Variants in GPC5 observed in about 807,000 individuals in gnomAD.
The protein encoded by GPC5 is glypican 5.
GPC5 carries 47 observed loss-of-function variants against 53.9 expected under a neutral mutation model. The ratio of observed to expected loss-of-function variants is 0.87; its 90% CI spans 0.69 to 1.11. GPC5 has a LOEUF of 1.11. Ranked by LOEUF, GPC5 falls within the 50% of genes most tolerant of loss-of-function variation. The probability of loss-of-function intolerance (pLI) is 0.00; values close to 1 mark genes in which losing one functional copy is unlikely to be tolerated. For synonymous variants in GPC5, 286 were observed against 263.3 expected, an observed-to-expected ratio of 1.09 and a Z score of -0.84; for missense variants, 748 against 713.1, an observed-to-expected ratio of 1.05 and a Z score of -0.56.
intron 7 of GPC5, among the ~76,000 whole-genome samples, chr13:92,623,294 C>G (rs916696131): frequency 1.3e-5 from 2 of 152,120 alleles, no homozygotes; most frequent in African/African-American, 4.8e-5. Context: ...CTCATCTGCT[C>G]CATGTGAGAA....
intron 7 of GPC5, among the ~76,000 whole-genome samples, chr13:92,738,367 C>T (rs1888996258): frequency 6.6e-6 from 1 of 151,904 alleles, no homozygotes; most frequent in African/African-American, 2.4e-5. Context: ...AGATTATTTG[C>T]CCCTTCCTGT....
chr13:92,666,550 A>G (rs563786630), intron 7 of GPC5, among the ~76,000 whole-genome samples: 17 of 152,346 alleles, frequency 1.1e-4, no homozygotes, highest in African/African-American at 3.6e-4. Context: ...CAATTCTGAC[A>G]AATGTTCTAA....
At position 92,405,586 on chromosome 13, in the gene GPC5, C is replaced by T. The variant is rs145033942; in HGVS notation, c.1561+260597C>T. Among the ~76,000 whole-genome samples, 1,430 of 152,222 alleles carry T rather than the reference C, an allele frequency of 9.4e-3. 12 individuals are homozygous for T. The highest frequency in any genetic ancestry group is 0.015 in the Non-Finnish European group (1,013 of 68,018). On this transcript the variant is annotated intron_variant, in intron 7 of 7. Coordinates refer to ENST00000377067, the MANE Select transcript of GPC5 (RefSeq NM_004466.6). ...CAAAGTCAGATAAGTGAAATTTAAA[C>T]TTAAATTAAAAAGAGTGAATTCTTT...
intron 7 of GPC5, among the ~76,000 whole-genome samples, chr13:92,423,581 A>T (rs984774767): frequency 6.6e-6 from 1 of 152,182 alleles, no homozygotes; most frequent in African/African-American, 2.4e-5. Flanking sequence ...ATAGAAAAGG[A>T]TCTGTAGATG....
In GPC5 at chr13:91,952,745, G is replaced by T. The variant is rs180900466; in HGVS notation, c.1401+44688G>T. ...CAGGCACATTCAAGAAAAAAAATAC[G>T]TAGTTTGATAATCCCTGAACAAAAA... is the stretch of plus-strand genomic sequence containing the variant. On this transcript the variant is annotated intron_variant, in intron 6 of 7. Coordinates refer to ENST00000377067, the MANE Select transcript of GPC5 (RefSeq NM_004466.6). Among the ~76,000 whole-genome samples, 147 of 152,158 alleles carry T rather than the reference G, an allele frequency of 9.7e-4. 2 individuals are homozygous for T. In the South Asian group the frequency reaches 0.028, roughly 29 times the overall value.
chr13:92,031,638 A>G (rs1298019495), intron 6 of GPC5, among the ~76,000 whole-genome samples: 1 of 136,312 alleles, frequency 7.3e-6, no homozygotes, highest in Non-Finnish European at 1.5e-5. Flanking sequence ...CCAAATGCCC[A>G]TTAATCAATT....
At chr13:91,463,647 C>A (rs189008372) in intron 2 of GPC5, among the ~76,000 whole-genome samples, 61 of 152,130 alleles carry the variant, frequency 4.0e-4, no homozygotes, top group African/African-American at 1.4e-3. Flanking sequence ...CACAAATATG[C>A]CTGATTTTGA....
At chr13:91,587,171 A>G (rs557488181) in intron 2 of GPC5, among the ~76,000 whole-genome samples, 24 of 152,304 alleles carry the variant, frequency 1.6e-4, no homozygotes, top group Non-Finnish European at 2.9e-4. Flanking sequence ...ATGCGTTAAT[A>G]ACGAAGTTTT....
rs142497077 is a variant in GPC5, at chr13:91,500,503, A to G, written c.325+51581A>G. Among the ~76,000 whole-genome samples, 25 of 152,322 alleles carry G rather than the reference A, an allele frequency of 1.6e-4. No homozygotes were observed. In the East Asian group the frequency reaches 4.3e-3, roughly 26 times the overall value. ...GGATGCTCAGTTAAACTTGAATTTCAGATCAACAGCAAATCATTTGGCCAT... is the reference window on the plus strand; with the variant it reads ...GGATGCTCAGTTAAACTTGAATTTCGGATCAACAGCAAATCATTTGGCCAT... On this transcript the variant is annotated intron_variant, in intron 2 of 7. Transcript: ENST00000377067.
chr13:91,643,287 C>G (rs2034478401), intron 2 of GPC5, among the ~76,000 whole-genome samples: 1 of 152,006 alleles, frequency 6.6e-6, no homozygotes, highest in Non-Finnish European at 1.5e-5. Flanking sequence ...TTTCCATTGT[C>G]AATGAAAGAG....
chr13:92,729,291 C>A (rs888560610), intron 7 of GPC5, among the ~76,000 whole-genome samples: 4 of 151,302 alleles, frequency 2.6e-5, no homozygotes, highest in Non-Finnish European at 4.4e-5. Context: ...TTCATATCAA[C>A]CCCTAGATCC....
At chr13:92,187,079 T>G (rs1025115254) in intron 7 of GPC5, among the ~76,000 whole-genome samples, 1 of 151,490 alleles carries the variant, frequency 6.6e-6, no homozygotes, top group African/African-American at 2.4e-5. Context: ...GCCATTGCAC[T>G]TCAGCCTGGG....
chr13:91,538,581 A>ATTTT (rs11374916), intron 2 of GPC5, among the ~76,000 whole-genome samples: 4 of 129,228 alleles, frequency 3.1e-5, no homozygotes, highest in Non-Finnish European at 4.8e-5. Flanking sequence ...ATTGCAAATA[A>ATTTT]TTTTTTTTTT....
At chr13:91,545,830 G>A (rs1228002544) in intron 2 of GPC5, among the ~76,000 whole-genome samples, 1 of 152,072 alleles carries the variant, frequency 6.6e-6, no homozygotes, top group East Asian at 1.9e-4. Flanking sequence ...ATGTGTGTAA[G>A]AGTGCTGTAA....
At chr13:91,981,132 C>T (rs1041456986) in intron 6 of GPC5, among the ~76,000 whole-genome samples, 4 of 152,086 alleles carry the variant, frequency 2.6e-5, no homozygotes, top group Non-Finnish European at 5.9e-5. Flanking sequence ...AGTGGAACCA[C>T]GTATGTTCAT....
chr13:91,706,494 T>C (rs1236618153), intron 3 of GPC5, among the ~76,000 whole-genome samples: 3 of 152,080 alleles, frequency 2.0e-5, no homozygotes, highest in African/African-American at 7.2e-5. Context: ...CATTAAGAAA[T>C]TAAGCAAAAA....
intron 3 of GPC5, among the ~76,000 whole-genome samples, chr13:91,728,026 T>A (rs1050927755): frequency 5.3e-5 from 8 of 152,144 alleles, no homozygotes; most frequent in Non-Finnish European, 1.2e-4. Context: ...GCAGAACTAT[T>A]ATACAAGGAG....
At chr13:91,448,002 C>T (rs1474832776) in intron 1 of GPC5, among the ~76,000 whole-genome samples, 1 of 152,126 alleles carries the variant, frequency 6.6e-6, no homozygotes, top group Non-Finnish European at 1.5e-5. Context: ...AGGTGCTTGT[C>T]CTGGGTCCCT....
chr13:92,183,369 C>CT (rs796774651), intron 7 of GPC5, among the ~76,000 whole-genome samples: 53 of 151,590 alleles, frequency 3.5e-4, no homozygotes, highest in African/African-American at 7.0e-4. Flanking sequence ...TGCTTTTTTT[C>CT]TTTTTTTTAT....
Sources: gnomAD v4.1 joint callset for allele counts (sites outside exome capture counted in the v4.1 genomes callset) on GRCh38, gnomAD v4.1.1 for gene constraint, MANE v1.5 for transcripts, NCBI Gene and HGNC (gene_info 2026-07-23, HGNC 2026-07-21) for gene names.